Variants in PKNOX2 observed in about 807,000 individuals in gnomAD.
The protein encoded by PKNOX2 is PBX/knotted 1 homeobox 2.
A neutral mutation model predicts 53.1 loss-of-function variants in PKNOX2; 14 were observed. That is an observed-to-expected ratio of 0.26 (90% CI 0.17 to 0.41). The LOEUF is 0.41. Ranked by LOEUF, PKNOX2 falls within the 10% of genes least tolerant of loss-of-function variation. PKNOX2 has a pLI of 1.00. For missense variants in PKNOX2, 496 were observed against 602.8 expected, an observed-to-expected ratio of 0.82 and a Z score of 1.85; for synonymous variants, 257 against 242.8, an observed-to-expected ratio of 1.06 and a Z score of -0.54.
intron 4 of PKNOX2, among the ~76,000 whole-genome samples, chr11:125,353,498 C>T (rs1164111436): frequency 6.6e-6 from 1 of 152,178 alleles, no homozygotes; most frequent in Non-Finnish European, 1.5e-5. Flanking sequence ...GGGCTGCAGC[C>T]CTAAGGTGCT....
At position 125,381,844 on chromosome 11, in the gene PKNOX2, G is replaced by A. The variant is rs112902140; in HGVS notation, c.228-3707G>A. On this transcript the variant is annotated intron_variant, in intron 5 of 12. Transcript: ENST00000298282. ...TGCTTTTTCTCCTGCTGGAACGCCAGTCCCTTAGCTCCTTGCGTGACTACG... is the reference window on the plus strand; with the variant it reads ...TGCTTTTTCTCCTGCTGGAACGCCAATCCCTTAGCTCCTTGCGTGACTACG... 6.9e-3 allele frequency among the ~76,000 whole-genome samples: 1,058 copies of A among 152,328 alleles called. 12 individuals carry two copies. Among genetic ancestry groups the A allele is most frequent in the African/African-American group, 0.024 (1,000 of 41,572 alleles).
intron 2 of PKNOX2, among the ~76,000 whole-genome samples, chr11:125,256,411 C>T (rs955547860): frequency 6.6e-6 from 1 of 152,112 alleles, no homozygotes; most frequent in African/African-American, 2.4e-5. Flanking sequence ...GGGACTGTTC[C>T]CCACCACCCT....
At chr11:125,270,681 T>A (rs1287275254) in intron 2 of PKNOX2, among the ~76,000 whole-genome samples, 2 of 152,206 alleles carry the variant, frequency 1.3e-5, no homozygotes, top group Admixed American at 6.5e-5. Context: ...AAAGCCAATG[T>A]GGACTCCTCA....
intron 2 of PKNOX2, among the ~76,000 whole-genome samples, chr11:125,254,037 G>A (rs1223432630): frequency 3.3e-5 from 5 of 152,140 alleles, no homozygotes; most frequent in African/African-American, 1.2e-4. Context: ...GTAACACCAG[G>A]CTTCCTCCAG....
intron 2 of PKNOX2, among the ~76,000 whole-genome samples, chr11:125,270,857 G>C (rs1436960625): frequency 1.3e-5 from 2 of 152,168 alleles, no homozygotes; most frequent in African/African-American, 4.8e-5. Flanking sequence ...CCCTGACTCA[G>C]GCTCCTGGAC....
intron 1 of PKNOX2, among the ~76,000 whole-genome samples, chr11:125,174,618 C>A (rs1955569280): frequency 2.6e-5 from 4 of 152,192 alleles, no homozygotes; most frequent in South Asian, 2.1e-4. Context: ...GGCTGTCTAC[C>A]TGTAGGCAGG....
intron 2 of PKNOX2, among the ~76,000 whole-genome samples, chr11:125,253,076 G>T (rs1944128223): frequency 6.6e-6 from 1 of 152,214 alleles, no homozygotes; most frequent in Non-Finnish European, 1.5e-5. Context: ...ATATGTTTGG[G>T]TTGGAAGTGA....
At chr11:125,178,268 T>G (rs1235224070) in intron 1 of PKNOX2, among the ~76,000 whole-genome samples, 1 of 151,344 alleles carries the variant, frequency 6.6e-6, no homozygotes, top group Admixed American at 6.6e-5. Context: ...TCCCAGCACT[T>G]TGGGAAGCCG....
Position 125,406,475 on chromosome 11 carries a change from T to C in PKNOX2, c.589-3721T>C, listed in dbSNP as rs113943960. 2.6e-3 allele frequency among the ~76,000 whole-genome samples: 390 copies of C among 152,310 alleles called. 1 individual carries two copies. Among genetic ancestry groups the C allele is most frequent in the African/African-American group, 8.4e-3 (351 of 41,564 alleles). Reference sequence around the variant, plus strand: ...AAAGAACTCAAGTGGCTTGAAGGCTTCTAGGACAGGTTTTTAAATCCCAAC... The same window carrying C: ...AAAGAACTCAAGTGGCTTGAAGGCTCCTAGGACAGGTTTTTAAATCCCAAC... On this transcript the variant is annotated intron_variant, in intron 7 of 12. Transcript: ENST00000298282.
chr11:125,343,753 C>T (rs533768273), intron 3 of PKNOX2, among the ~76,000 whole-genome samples: 6 of 151,786 alleles, frequency 4.0e-5, no homozygotes, highest in East Asian at 3.9e-4. Flanking sequence ...CTCTTGTTCC[C>T]GGTGTGGAGA....
In PKNOX2 at chr11:125,411,734, C is replaced by T. The variant is rs117746719; in HGVS notation, c.817-12C>T. 0.029 allele frequency: 46,370 copies of T among 1,613,882 alleles called. 867 individuals carry two copies. The highest frequency in any genetic ancestry group is 0.078 in the Admixed American group (4,677 of 60,020). On this transcript the variant is annotated splice_polypyrimidine_tract_variant and intron_variant, in intron 9 of 12. Transcript: ENST00000298282. ...GCTGCTGATGCTGATTTTCTCTCCA[C>T]GTGCCCTGAAGGTTAACCTTGACCT... is the stretch of plus-strand genomic sequence containing the variant.
intron 1 of PKNOX2, among the ~76,000 whole-genome samples, chr11:125,185,933 C>T (rs118169087): frequency 0.012 from 1,853 of 152,230 alleles, 37 homozygotes; most frequent in Admixed American, 0.035. Flanking sequence ...CTATGTTTAA[C>T]TTTTTGAGGA....
chr11:125,214,663 C>T (rs1403769060), intron 1 of PKNOX2, among the ~76,000 whole-genome samples: 1 of 152,112 alleles, frequency 6.6e-6, no homozygotes, highest in East Asian at 1.9e-4. Flanking sequence ...GCATCTGCAC[C>T]ATCAATCAGG....
At chr11:125,189,445 GTGTATATA>G (rs1224634530) in intron 1 of PKNOX2, among the ~76,000 whole-genome samples, 52 of 50,576 alleles carry the variant, frequency 1.0e-3, no homozygotes, top group Non-Finnish European at 1.3e-3. Context: ...GTGTGTGTGT[GTGTATATA>G]TATATATATA....
chr11:125,318,565 C>T lies in PKNOX2; in HGVS notation c.-129-13254C>T, dbSNP rs139472629. On this transcript the variant is annotated intron_variant, in intron 2 of 12. Transcript: ENST00000298282. ...ATCCAGACCATTCAAACGTTTACCA[C>T]GTCAGCAATAAGACTGTCTCACTCA... Among the ~76,000 whole-genome samples the T allele has an allele frequency of 1.5e-3, 230 of 152,246 alleles. 1 individual carries two copies. Among genetic ancestry groups the T allele is most frequent in the Admixed American group, 0.011 (166 of 15,294 alleles).
At chr11:125,181,636 C>T (rs377154561) in intron 1 of PKNOX2, among the ~76,000 whole-genome samples, 6 of 152,332 alleles carry the variant, frequency 3.9e-5, no homozygotes, top group African/African-American at 1.4e-4. Flanking sequence ...GCCTCTGTCT[C>T]CCATAGAAAT....
At chr11:125,411,509 T>TCTCCC (rs1491258659) in intron 9 of PKNOX2, 8 of 316,714 alleles carry the variant, frequency 2.5e-5, no homozygotes, top group Non-Finnish European at 4.2e-5. Context: ...TCTCTCTCTC[T>TCTCCC]CCCCCCCTTC....
chr11:125,330,043 C>T (rs763998842), intron 2 of PKNOX2, among the ~76,000 whole-genome samples: 4 of 152,138 alleles, frequency 2.6e-5, no homozygotes, highest in Admixed American at 6.5e-5. Context: ...TCACCTGTCC[C>T]GGTAGCTCTG....
chr11:125,288,706 C>G lies in PKNOX2; in HGVS notation c.-129-43113C>G, dbSNP rs79348658. On this transcript the variant is annotated intron_variant, in intron 2 of 12. Transcript: ENST00000298282. ...CCACCGCAGCGACTCTGGCTTCTCA[C>G]GTTGTGCACCATCCCCAGCCTTGCT... Among the ~76,000 whole-genome samples the G allele has an allele frequency of 3.3e-5, 5 of 152,342 alleles. No homozygotes were observed. In the East Asian group the frequency reaches 7.7e-4, roughly 24 times the overall value.
Sources: allele counts gnomAD v4.1 joint callset (sites outside exome capture counted in the v4.1 genomes callset), GRCh38; gene constraint gnomAD v4.1.1; transcripts MANE v1.5; gene names NCBI Gene and HGNC (gene_info 2026-07-23, HGNC 2026-07-21).